PPM1G: variants seen among roughly 807,000 people sequenced by gnomAD.
The protein encoded by PPM1G is protein phosphatase 1G.
In PPM1G, 12 loss-of-function variants were observed where a neutral mutation model predicts 59.4. The ratio of observed to expected loss-of-function variants is 0.20; its 90% confidence interval spans 0.13 to 0.33. PPM1G has a LOEUF of 0.33. Among genes scored for constraint, PPM1G ranks in the 10% least tolerant of loss-of-function variants. The pLI, the probability that PPM1G is intolerant of heterozygous loss-of-function variation, is 1.00. For missense variants in PPM1G, 392 were observed against 681.3 expected (o/e 0.58, Z 4.73); for synonymous variants, 245 against 251.9 (o/e 0.97, Z 0.26).
At chr2:27,388,691 T>C (rs541496918) in intron 1 of PPM1G, among the ~76,000 whole-genome samples, 1 of 151,808 alleles carries the variant, frequency 6.6e-6, no homozygotes, top group African/African-American at 2.4e-5. Flanking sequence ...CTGGCTAACA[T>C]GGTGAAACCC....
chr2:27,401,181 T>G (rs1684171047), intron 1 of PPM1G, among the ~76,000 whole-genome samples: 1 of 152,202 alleles, frequency 6.6e-6, no homozygotes, highest in South Asian at 2.1e-4. Flanking sequence ...TATTCTTAAA[T>G]CTACTACAAC....
chr2:27,395,533 A>C (rs1012456274), intron 1 of PPM1G, among the ~76,000 whole-genome samples: 12 of 152,110 alleles, frequency 7.9e-5, no homozygotes, highest in Non-Finnish European at 1.5e-5. Flanking sequence ...TGTCTCAAAA[A>C]CACAAAACAA....
chr2:27,390,463 G>A (rs1448849972), intron 1 of PPM1G, among the ~76,000 whole-genome samples: 1 of 152,072 alleles, frequency 6.6e-6, no homozygotes, highest in Non-Finnish European at 1.5e-5. Flanking sequence ...AATGGCTCAT[G>A]CATGTAATCT....
At chr2:27,392,828 G>A (rs186971833) in intron 1 of PPM1G, 203 of 1,487,996 alleles carry the variant, frequency 1.4e-4, no homozygotes, top group Non-Finnish European at 1.8e-4. Flanking sequence ...TTGTCAAAGA[G>A]GTATTCTGCC....
chr2:27,397,152 A>C (rs1380074804), intron 1 of PPM1G, among the ~76,000 whole-genome samples: 1 of 152,128 alleles, frequency 6.6e-6, no homozygotes, highest in African/African-American at 2.4e-5. Context: ...TACAGGCGTG[A>C]GCCACCATGC....
intron 1 of PPM1G, among the ~76,000 whole-genome samples, chr2:27,391,121 T>TTG (rs1683890169): frequency 6.6e-6 from 1 of 152,260 alleles, no homozygotes; most frequent in Admixed American, 6.5e-5. Flanking sequence ...GTTTTTGCTA[T>TTG]TGTGAATGGT....
chr2:27,388,203 G>A (rs1359057458), intron 1 of PPM1G, among the ~76,000 whole-genome samples: 1 of 151,804 alleles, frequency 6.6e-6, no homozygotes, highest in African/African-American at 2.4e-5. Flanking sequence ...GAAGTCAAGA[G>A]ATCAATACCA....
chr2:27,395,849 AAAAAAAGAAAAAGG>A (rs1326307645), intron 1 of PPM1G, among the ~76,000 whole-genome samples: 3 of 152,016 alleles, frequency 2.0e-5, no homozygotes, highest in Non-Finnish European at 4.4e-5. Flanking sequence ...TCAAAAAAAA[AAAAAAAGAAAAAGG>A]AAAAAAGAAA....
rs1272464789 is a variant in PPM1G, at chr2:27,385,372, G to C, written c.410-284C>G. 13 of 425,788 alleles carry C rather than the reference G, an allele frequency of 3.1e-5. No homozygotes were observed. Among genetic ancestry groups the C allele is most frequent in the Admixed American group, 8.1e-5 (2 of 24,604 alleles). The allele number at this position is 425,788 out of a possible 1,614,324, so 26.4% of individuals were successfully genotyped here. ...GTTAAGTTGTAAAAACCCTATTCTGGCTGAGGATCCAGGAAGCCCACAATG... is the reference window on the plus strand; with the variant it reads ...GTTAAGTTGTAAAAACCCTATTCTGCCTGAGGATCCAGGAAGCCCACAATG... On this transcript the variant is annotated intron_variant, in intron 4 of 9. Coordinates refer to ENST00000344034, the MANE Select transcript of PPM1G (RefSeq NM_177983.3). This position sits in a 1 kb window ranked among gnomAD's most constrained non-coding sequence, Gnocchi z 4.1.
rs748957549 is a variant in PPM1G at position 27,382,459 on chromosome 2, A to G, written c.1331+17T>C. ...TGCTGCAGAAAGGGGAATTTAGGGC[A>G]TTCTGCCAGTGCTCACCAGATGCCA... On this transcript the variant is annotated intron_variant, in intron 8 of 9. Transcript: ENST00000344034. The surrounding 1 kb of genome is among the most constrained non-coding windows in gnomAD (Gnocchi z 4.2). 1 of 1,613,734 alleles carries G rather than the reference A, an allele frequency of 6.2e-7. No individual in the cohort carries two copies.
rs759566696 is a variant in PPM1G at position 27,381,648 on chromosome 2, G to C, written c.1592C>G (p.Ala531Gly). 16 of 1,614,034 alleles carry C rather than the reference G, an allele frequency of 9.9e-6. No homozygotes were observed. Among genetic ancestry groups the C allele is most frequent in the Non-Finnish European group, 1.2e-5 (14 of 1,180,030 alleles). The change falls in exon 10 of 10, where the codon GCT (alanine) becomes GGT (glycine). Residue 531 changes from alanine to glycine, a missense_variant. Around this residue, in one of 6 missense-constraint regions of PPM1G, gnomAD observed 49 missense variants for 43.4 expected, o/e 1.13. Transcript: ENST00000344034. Reference protein sequence around the residue: ...KLEEVLSTEGAEENGNSDKKK... With the variant: ...KLEEVLSTEGGEENGNSDKKK... The stretch of plus-strand genomic sequence containing the variant: ...CTTGTCGCTGTTGCCATTTTCTTCA[G>C]CCCCCTCAGTAGAGAGCACCTCCTC...
Position 27,382,151 on chromosome 2 carries a change from C to T in PPM1G, c.1409G>A (p.Arg470Gln), listed in dbSNP as rs776211882. ...ISQRDENGEL[R>Q]LLSSIVEELL... is the part of the protein sequence containing the mutation. ...CTCTTCCACAATGGATGACAATAAC[C>T]GAAGCTCCCCATTTTCATCACGCTG... Residue 470 changes from arginine to glutamine, a missense_variant, in exon 9 of 10, where the codon CGG becomes CAG. Around this residue, in one of 6 missense-constraint regions of PPM1G, gnomAD observed 29 missense variants for 38.9 expected, o/e 0.75. Coordinates refer to ENST00000344034, the MANE Select transcript of PPM1G (RefSeq NM_177983.3). This position sits in a 1 kb window ranked among gnomAD's most constrained non-coding sequence, Gnocchi z 4.2. 3 of 1,614,154 alleles carry T rather than the reference C, an allele frequency of 1.9e-6. No individual in the cohort carries two copies. The highest frequency in any genetic ancestry group is 1.7e-5 in the Admixed American group (1 of 60,012).
intron 1 of PPM1G, among the ~76,000 whole-genome samples, chr2:27,393,904 C>T (rs1354078501): frequency 5.9e-5 from 9 of 152,164 alleles, no homozygotes; most frequent in Admixed American, 1.3e-4. Flanking sequence ...CCTGGGACTA[C>T]AGGTGCCTGC....
Position 27,385,679 on chromosome 2 carries a change from G to C in PPM1G, c.409+68C>G. ...TAGAAAGCCATCCTATCTTAGAATTGATAAGTAATATTAAAGAATATTTCT... is the reference window on the plus strand; with the variant it reads ...TAGAAAGCCATCCTATCTTAGAATTCATAAGTAATATTAAAGAATATTTCT... On this transcript the variant is annotated intron_variant, in intron 4 of 9. Coordinates refer to ENST00000344034, the MANE Select transcript of PPM1G (RefSeq NM_177983.3). This position sits in a 1 kb window ranked among gnomAD's most constrained non-coding sequence, Gnocchi z 4.1. The C allele has an allele frequency of 6.4e-7, 1 of 1,557,330 alleles. No homozygotes were observed.
chr2:27,392,730 T>A lies in PPM1G; in HGVS notation c.121-5572A>T, dbSNP rs560847850. 1.3e-4 allele frequency: 131 copies of A among 1,044,940 alleles called. No homozygotes were observed. In the South Asian group the frequency reaches 1.6e-3, roughly 13 times the overall value. 64.7% of individuals were successfully genotyped at this position (1,044,940 alleles called of 1,614,324 possible). ...AAAGGAAACCCCAACATACATGCGC[T>A]GCCTTGGTGACAAGGTAAGTCACCC... is the stretch of plus-strand genomic sequence containing the variant. On this transcript the variant is annotated intron_variant, in intron 1 of 9. Transcript: ENST00000344034.
intron 1 of PPM1G, among the ~76,000 whole-genome samples, chr2:27,403,491 A>G (rs1684232517): frequency 6.6e-6 from 1 of 152,238 alleles, no homozygotes; most frequent in African/African-American, 2.4e-5. Flanking sequence ...ATGGGCATAC[A>G]TGTGATATAA....
chr2:27,391,975 C>T (rs1205381582), intron 1 of PPM1G, among the ~76,000 whole-genome samples: 2 of 151,888 alleles, frequency 1.3e-5, no homozygotes, highest in Non-Finnish European at 2.9e-5. Context: ...TCGTGATCTG[C>T]CCACCTTGGC....
chr2:27,383,340 G>C lies in PPM1G; in HGVS notation c.1201+26C>G. 1 of 1,601,526 alleles carries C rather than the reference G, an allele frequency of 6.2e-7. No individual in the cohort carries two copies. The highest frequency in any genetic ancestry group is 8.6e-7 in the Non-Finnish European group (1 of 1,168,778). The stretch of plus-strand genomic sequence containing the variant: ...TGGGACAGAGAGAAAGACCCTAGAA[G>C]TCTTTCCCAGTTTCTTGGCCCTTAC... On this transcript the variant is annotated intron_variant, in intron 7 of 9. Transcript: ENST00000344034. The surrounding 1 kb of genome is among the most constrained non-coding windows in gnomAD (Gnocchi z 5.0).
chr2:27,383,393 C>G lies in PPM1G; in HGVS notation c.1174G>C (p.Gly392Arg). 6.2e-7 allele frequency: 1 copy of G among 1,614,144 alleles called. No individual in the cohort carries two copies. The highest frequency in any genetic ancestry group is 8.5e-7 in the Non-Finnish European group (1 of 1,180,030). ...GKVTMDGRVN[G>R]GLNLSRAIGD... ...ATGGCTCTGGAGAGGTTGAGGCCCC[C>G]GTTGACTCGCCCATCCATGGTGACC... The change falls in exon 7 of 10, where the codon GGG becomes CGG. Residue 392 changes from glycine (G) to arginine (R), a missense_variant. Transcript: ENST00000344034. The surrounding 1 kb of genome is among the most constrained non-coding windows in gnomAD (Gnocchi z 5.0).
Sources: gnomAD v4.1 joint callset for allele counts (sites outside exome capture counted in the v4.1 genomes callset) on GRCh38, gnomAD v4.1.1 for gene constraint, gnomAD v4.1.1 regional missense constraint, Gnocchi (gnomAD v3.1) non-coding constraint, MANE v1.5 for transcripts, NCBI Gene and HGNC (gene_info 2026-07-23, HGNC 2026-07-21) for gene names.